REEP5: variants seen among roughly 807,000 people sequenced by gnomAD.
REEP5 encodes receptor expression-enhancing protein 5.
A neutral mutation model predicts 22.4 loss-of-function variants in REEP5; 24 were observed. That is an observed-to-expected ratio of 1.07 (90% CI 0.78 to 1.51). REEP5 has a LOEUF of 1.51. Among genes scored for constraint, REEP5 ranks in the 40% most tolerant of loss-of-function variants. The pLI is 0.00. For missense variants in REEP5, 252 were observed against 233.0 expected (o/e 1.08, Z -0.53); for synonymous variants, 103 against 88.6 (o/e 1.16, Z -0.92).
chr5:112,892,230 T>C (rs918209061), intron 3 of REEP5: 1 of 1,614,036 alleles, frequency 6.2e-7, no homozygotes, highest in African/African-American at 1.3e-5. Context: ...GTAAACATAA[T>C]TTCCCAACAT....
chr5:112,888,131 C>T (rs1768316984), intron 3 of REEP5, among the ~76,000 whole-genome samples: 1 of 151,244 alleles, frequency 6.6e-6, no homozygotes. Flanking sequence ...ACAACTTCTC[C>T]TTAGTGTAAA....
chr5:112,879,288 A>G (rs1471370890), intron 4 of REEP5, among the ~76,000 whole-genome samples: 1 of 121,008 alleles, frequency 8.3e-6, no homozygotes, highest in African/African-American at 3.2e-5. Context: ...CCTCATTCCC[A>G]GCACTAGAAA....
chr5:112,881,526 C>T (rs1452287793), intron 4 of REEP5, among the ~76,000 whole-genome samples: 2 of 152,194 alleles, frequency 1.3e-5, no homozygotes, highest in Non-Finnish European at 2.9e-5. Flanking sequence ...AGAAAGCTGG[C>T]TGTGCCCTGA....
chr5:112,897,346 T>G (rs1580743917), intron 3 of REEP5: 1 of 116,818 alleles, frequency 8.6e-6, no homozygotes, highest in Admixed American at 9.3e-5. Flanking sequence ...ATAAAACACA[T>G]CCCATCACAC....
intron 3 of REEP5, chr5:112,894,661 GAGC>G (rs2150041402): frequency 6.6e-6 from 1 of 152,290 alleles, no homozygotes; most frequent in South Asian, 2.1e-4. Context: ...ACTATTTGGA[GAGC>G]AGCAAGTGTT....
intron 4 of REEP5, among the ~76,000 whole-genome samples, chr5:112,883,111 T>C (rs1768127800): frequency 6.6e-6 from 1 of 152,280 alleles, no homozygotes; most frequent in Admixed American, 6.5e-5. Flanking sequence ...AAACAGGCTT[T>C]GTTTCTCCTA....
chr5:112,902,868 T>C (rs559925533), intron 2 of REEP5, among the ~76,000 whole-genome samples: 1 of 152,316 alleles, frequency 6.6e-6, no homozygotes, highest in Non-Finnish European at 1.5e-5. Flanking sequence ...CCACGAGGGA[T>C]ATATCAGGAA....
intron 2 of REEP5, among the ~76,000 whole-genome samples, chr5:112,909,847 A>G (rs1329642886): frequency 6.6e-6 from 1 of 152,234 alleles, no homozygotes; most frequent in African/African-American, 2.4e-5. Flanking sequence ...GAAGAAAACA[A>G]GGTTGAGCAG....
intron 3 of REEP5, among the ~76,000 whole-genome samples, chr5:112,887,917 A>C (rs1768309973): frequency 6.6e-6 from 1 of 152,202 alleles, no homozygotes; most frequent in African/African-American, 2.4e-5. Flanking sequence ...TCATCCATGC[A>C]ATTTACTCCT....
intron 4 of REEP5, among the ~76,000 whole-genome samples, chr5:112,882,698 G>A (rs979861686): frequency 6.6e-6 from 1 of 152,162 alleles, no homozygotes; most frequent in Non-Finnish European, 1.5e-5. Flanking sequence ...ACACTACAAT[G>A]GCAGAGAAGA....
At chr5:112,891,484 A>G in intron 3 of REEP5, 1 of 996,110 alleles carries the variant, frequency 1.0e-6, no homozygotes, top group African/African-American at 1.6e-5. Context: ...AACAAAATGA[A>G]AGTAATTTGT....
chr5:112,893,531 C>A (rs1768572172), intron 3 of REEP5: 2 of 155,430 alleles, frequency 1.3e-5, no homozygotes, highest in Admixed American at 1.3e-4. Flanking sequence ...CCTCTCTTCA[C>A]CTTTCCTATT....
chr5:112,919,026 C>T (rs959281962), intron 2 of REEP5, among the ~76,000 whole-genome samples: 6 of 152,212 alleles, frequency 3.9e-5, no homozygotes, highest in Non-Finnish European at 7.3e-5. Flanking sequence ...AAAGTGCTAC[C>T]ACAGTGCCAC....
intron 2 of REEP5, among the ~76,000 whole-genome samples, chr5:112,913,371 AAGAAAGAAAGAGAAAGAAAG>A (rs143767526): frequency 2.1e-5 from 3 of 144,908 alleles, no homozygotes; most frequent in Non-Finnish European, 4.5e-5. Flanking sequence ...GGAAAGAAAG[AAGAAAGAAAGAGAAAGAAAG>A]AGAAAGAAAG....
At chr5:112,902,182 G>A (rs1291715275) in intron 3 of REEP5, among the ~76,000 whole-genome samples, 198 bp downstream of exon 3, 1 of 150,600 alleles carries the variant, frequency 6.6e-6, no homozygotes, top group Non-Finnish European at 1.5e-5. Flanking sequence ...AGCTACTCGG[G>A]AGGCTGAGGC....
At position 112,877,981 on chromosome 5, in the gene REEP5, CTGTGTGTGTGTGTGTGTGTGTGTGTGTG is replaced by C. The variant is rs60109818; in HGVS notation, c.*777_*804del. Reference sequence around the variant, plus strand: ...AGGGAATTGAGAGTTACAGGTTACTCTGTGTGTGTGTGTGTGTGTGTGTGTGTGTGTGTGTGTGTGTAAATTTCCCGAT... The same window carrying C: ...AGGGAATTGAGAGTTACAGGTTACTCTGTGTGTGTGTGTAAATTTCCCGAT... On this transcript the variant is annotated 3_prime_UTR_variant, in exon 5 of 5. Transcript: ENST00000379638. 1.4e-5 allele frequency: 2 copies of C among 147,528 alleles called. No homozygotes were observed. The highest frequency in any genetic ancestry group is 5.1e-5 in the African/African-American group (2 of 39,426). The allele number at this position is 147,528 out of a possible 1,614,324, so 9.1% of individuals were successfully genotyped here. A position where few individuals can be genotyped will look rare whatever the true frequency, so the allele number is the denominator to read the frequency against.
Position 112,878,662 on chromosome 5 carries a change from C to CT in REEP5, c.*123dup. The CT allele has an allele frequency of 1.5e-6, 2 of 1,369,302 alleles. No individual in the cohort carries two copies. The highest frequency in any genetic ancestry group is 2.0e-6 in the Non-Finnish European group (2 of 1,000,958). 84.8% of individuals were successfully genotyped at this position (1,369,302 alleles called of 1,614,324 possible). A position where few individuals can be genotyped will look rare whatever the true frequency, so the allele number is the denominator to read the frequency against. On this transcript the variant is annotated 3_prime_UTR_variant, in exon 5 of 5. Coordinates refer to ENST00000379638, the MANE Select transcript of REEP5 (RefSeq NM_005669.5). ...AAAGAAACTTACAACACATTCCAAT[C>CT]TTTAATATCTCAAAAATGTTTCCAA...
At chr5:112,880,230 C>T (rs1768028211) in intron 4 of REEP5, among the ~76,000 whole-genome samples, 1 of 152,044 alleles carries the variant, frequency 6.6e-6, no homozygotes, top group Non-Finnish European at 1.5e-5. Context: ...GGCCAAAACA[C>T]AGTGAGAGCC....
At chr5:112,910,003 T>G (rs1022210671) in intron 2 of REEP5, among the ~76,000 whole-genome samples, 1 of 152,174 alleles carries the variant, frequency 6.6e-6, no homozygotes, top group East Asian at 1.9e-4. Context: ...GTTCACCAAT[T>G]ATAAAAAACA....
Sources: gnomAD v4.1 joint callset for allele counts (sites outside exome capture counted in the v4.1 genomes callset) on GRCh38, gnomAD v4.1.1 for gene constraint, MANE v1.5 for transcripts, NCBI Gene and HGNC (gene_info 2026-07-23, HGNC 2026-07-21) for gene names.